ZNF383: variants seen among roughly 807,000 people sequenced by gnomAD.
ZNF383 encodes the protein zinc finger protein 383.
A neutral mutation model predicts 44.2 loss-of-function variants in ZNF383; 32 were observed. That is an observed-to-expected ratio of 0.72 (90% CI 0.55 to 0.97). The LOEUF is 0.97. Among genes scored for constraint, ZNF383 ranks in the 50% least tolerant of loss-of-function variants. ZNF383 has a pLI of 0.00. For synonymous variants in ZNF383, 155 were observed against 186.2 expected (o/e 0.83, Z 1.36); for missense variants, 487 against 562.5 (o/e 0.87, Z 1.36).
chr19:37,219,820 G>A (rs545641562), intron 1 of ZNF383: 1 of 152,162 alleles, frequency 6.6e-6, no homozygotes, highest in Non-Finnish European at 1.5e-5. Context: ...CAAGTGACCT[G>A]GTTCTTACAA....
chr19:37,241,815 A>G (rs1300899166), intron 5 of ZNF383, among the ~76,000 whole-genome samples: 3 of 151,688 alleles, frequency 2.0e-5, no homozygotes, highest in African/African-American at 7.3e-5. Context: ...TCTTCCCCAT[A>G]TGCATTTATT....
chr19:37,242,868 C>G lies in ZNF383; in HGVS notation c.632C>G (p.Ser211Ter). 1 of 1,613,928 alleles carries G rather than the reference C, an allele frequency of 6.2e-7. No individual in the cohort carries two copies. The highest frequency in any genetic ancestry group is 8.5e-7 in the Non-Finnish European group (1 of 1,179,926). The change falls in exon 6 of 6, where the codon TCA (serine) becomes TGA (stop). Residue 211 changes from serine (S) to a stop codon, truncating the protein, a stop_gained. Coordinates refer to ENST00000684119, the MANE Select transcript of ZNF383 (RefSeq NM_001387601.1). LOFTEE classifies it high-confidence loss of function. ...TGTGGGAAATTCTTTAGTTGTGGTTCACATGTTACTCGGCATCTGAAAATT... is the reference window on the plus strand; with the variant it reads ...TGTGGGAAATTCTTTAGTTGTGGTTGACATGTTACTCGGCATCTGAAAATT... ...KECGKFFSCG[S>*]HVTRHLKIHT... is the part of the protein sequence containing the mutation.
In ZNF383 at chr19:37,247,990, G is replaced by A. The variant is rs1974429749; in HGVS notation, c.*4326G>A. The A allele has an allele frequency of 6.6e-6, 1 of 152,126 alleles. No homozygotes were observed. Among genetic ancestry groups the A allele is most frequent in the African/African-American group, 2.4e-5 (1 of 41,424 alleles). 9.4% of individuals were successfully genotyped at this position (152,126 alleles called of 1,614,324 possible). On this transcript the variant is annotated 3_prime_UTR_variant, in exon 6 of 6. Coordinates refer to ENST00000684119, the MANE Select transcript of ZNF383 (RefSeq NM_001387601.1). ...TCTCTACTAAAAATACAAAAAATTA[G>A]CCGGGCGTGGTGGCTCATGCCTGTA... is the stretch of plus-strand genomic sequence containing the variant.
Position 37,243,884 on chromosome 19 carries a change from G to A in ZNF383, c.*220G>A. 2.4e-6 allele frequency: 1 copy of A among 413,700 alleles called. No individual in the cohort carries two copies. The allele number at this position is 413,700 out of a possible 1,614,324, so 25.6% of individuals were successfully genotyped here. A position where few individuals can be genotyped will look rare whatever the true frequency, so the allele number is the denominator to read the frequency against. ...CTATAATTCTTTCATTCATTGTTTTGTTCTACTTTCTTGGTGACACATTAT... is the reference window on the plus strand; with the variant it reads ...CTATAATTCTTTCATTCATTGTTTTATTCTACTTTCTTGGTGACACATTAT... On this transcript the variant is annotated 3_prime_UTR_variant, in exon 6 of 6. Transcript: ENST00000684119.
At position 37,243,183 on chromosome 19, in the gene ZNF383, G is replaced by GCAAA; in HGVS notation, c.948_951dup (p.Ala318GlnfsTer19). The GCAAA allele has an allele frequency of 6.2e-7, 1 of 1,614,164 alleles. No homozygotes were observed. The highest frequency in any genetic ancestry group is 8.5e-7 in the Non-Finnish European group (1 of 1,180,022). On this transcript the variant is annotated frameshift_variant, in exon 6 of 6. Coordinates refer to ENST00000684119, the MANE Select transcript of ZNF383 (RefSeq NM_001387601.1). LOFTEE classifies it high-confidence loss of function. ...AAACCCTATGAATGTAAGGAATGTGGCAAAGCCTTTACCCAGAGCTCAAAG... is the reference window on the plus strand; with the variant it reads ...AAACCCTATGAATGTAAGGAATGTGGCAAACAAAGCCTTTACCCAGAGCTCAAAG...
intron 5 of ZNF383, among the ~76,000 whole-genome samples, chr19:37,238,452 T>C (rs916376915): frequency 2.0e-5 from 3 of 151,868 alleles, no homozygotes; most frequent in Admixed American, 6.6e-5. Context: ...GATAGATAAG[T>C]GCTGTGAAGA....
At chr19:37,229,147 ATTTTTTTTTTTT>A in intron 2 of ZNF383, among the ~76,000 whole-genome samples, 1 of 116,876 alleles carries the variant, frequency 8.6e-6, no homozygotes, top group African/African-American at 3.4e-5. Flanking sequence ...AAAAGGTTGA[ATTTTTTTTTTTT>A]TTTTTTTTTT....
At position 37,247,244 on chromosome 19, in the gene ZNF383, A is replaced by C. The variant is rs553756413; in HGVS notation, c.*3580A>C. 1 of 152,268 alleles carries C rather than the reference A, an allele frequency of 6.6e-6. No homozygotes were observed. Among genetic ancestry groups the C allele is most frequent in the South Asian group, 2.1e-4 (1 of 4,822 alleles). 9.4% of individuals were successfully genotyped at this position (152,268 alleles called of 1,614,324 possible). The stretch of plus-strand genomic sequence containing the variant: ...AGTATTATTTTAAAAGGCAGAAATA[A>C]TTGAAAGAAAAAAACTGGATCTGAA... On this transcript the variant is annotated 3_prime_UTR_variant, in exon 6 of 6. Coordinates refer to ENST00000684119, the MANE Select transcript of ZNF383 (RefSeq NM_001387601.1).
At chr19:37,236,631 G>T (rs1473863656) in intron 5 of ZNF383, among the ~76,000 whole-genome samples, 2 of 150,908 alleles carry the variant, frequency 1.3e-5, no homozygotes, top group Non-Finnish European at 1.5e-5. Context: ...AGTGCAGGGT[G>T]CGATCTTGGT....
chr19:37,241,629 G>C (rs1252269245), intron 5 of ZNF383, among the ~76,000 whole-genome samples: 1 of 152,108 alleles, frequency 6.6e-6, no homozygotes, highest in Non-Finnish European at 1.5e-5. Flanking sequence ...TCAAGCAGCT[G>C]CAAGTCCCAC....
chr19:37,234,768 G>T (rs961050322), intron 3 of ZNF383, among the ~76,000 whole-genome samples: 3 of 152,150 alleles, frequency 2.0e-5, no homozygotes, highest in Non-Finnish European at 4.4e-5. Context: ...CGTGCAAGTT[G>T]TAACAGTATT....
chr19:37,241,827 C>A (rs914426971), intron 5 of ZNF383, among the ~76,000 whole-genome samples: 1 of 151,688 alleles, frequency 6.6e-6, no homozygotes, highest in African/African-American at 2.4e-5. Flanking sequence ...GCATTTATTT[C>A]TCTCAGGAGA....
chr19:37,225,674 G>A (rs1325141726), intron 2 of ZNF383, among the ~76,000 whole-genome samples: 1 of 152,008 alleles, frequency 6.6e-6, no homozygotes, highest in Non-Finnish European at 1.5e-5. Context: ...ATTCACTGCA[G>A]TTAGTCAGTA....
intron 2 of ZNF383, among the ~76,000 whole-genome samples, chr19:37,228,464 C>T (rs1973292174): frequency 6.6e-6 from 1 of 151,074 alleles, no homozygotes; most frequent in African/African-American, 2.4e-5. Context: ...TATTTTTATT[C>T]TATATATTTT....
chr19:37,221,690 T>G (rs1454926968), intron 1 of ZNF383, among the ~76,000 whole-genome samples: 1 of 151,562 alleles, frequency 6.6e-6, no homozygotes, highest in Non-Finnish European at 1.5e-5. Context: ...GGCTCGTGCC[T>G]GTAATCCCAG....
At chr19:37,229,386 C>T (rs1421821683) in intron 2 of ZNF383, among the ~76,000 whole-genome samples, 2 of 149,354 alleles carry the variant, frequency 1.3e-5, no homozygotes, top group African/African-American at 2.5e-5. Context: ...CTCGAACTCC[C>T]GACCTCAGGT....
intron 5 of ZNF383, among the ~76,000 whole-genome samples, chr19:37,237,282 CTA>C (rs1294507339): frequency 1.3e-5 from 2 of 151,890 alleles, no homozygotes; most frequent in African/African-American, 4.8e-5. Flanking sequence ...CAAAGGCTAA[CTA>C]TGTAGAAGTG....
At chr19:37,238,444 T>C (rs992417050) in intron 5 of ZNF383, among the ~76,000 whole-genome samples, 1 of 151,884 alleles carries the variant, frequency 6.6e-6, no homozygotes, top group Non-Finnish European at 1.5e-5. Flanking sequence ...TGGTGGGTGA[T>C]AGATAAGTGC....
Position 37,242,694 on chromosome 19 carries a change from A to C in ZNF383, c.458A>C (p.Gln153Pro). The stretch of plus-strand genomic sequence containing the variant: ...CCTGAATACATGCCCACATTTATTC[A>C]ACAGACATTCCTTACTCTCCATCAA... ...FTPEYMPTFIQQTFLTLHQII... is the reference protein window; with the variant it reads ...FTPEYMPTFIPQTFLTLHQII... Residue 153 changes from glutamine (Q) to proline (P), a missense_variant, in exon 6 of 6, where the codon CAA becomes CCA. Physicochemically the swap from Gln to Pro is moderately conservative, Grantham distance 76 (BLOSUM62 -1). Coordinates refer to ENST00000684119, the MANE Select transcript of ZNF383 (RefSeq NM_001387601.1). 2 of 1,614,128 alleles carry C rather than the reference A, an allele frequency of 1.2e-6. No homozygotes were observed. The highest frequency in any genetic ancestry group is 1.1e-5 in the South Asian group (1 of 91,084).
Sources: gnomAD v4.1 joint callset for allele counts (sites outside exome capture counted in the v4.1 genomes callset) on GRCh38, gnomAD v4.1.1 for gene constraint, MANE v1.5 for transcripts, NCBI Gene and HGNC (gene_info 2026-07-23, HGNC 2026-07-21) for gene names.